Variants in FCHSD2 observed in about 807,000 individuals in gnomAD.
The protein encoded by FCHSD2 is FCH and double SH3 domains 2, also known as F-BAR and double SH3 domains protein 2.
Under a neutral mutation model 108.1 loss-of-function variants are expected in FCHSD2, and 38 were observed. The observed-to-expected ratio is 0.35, with a 90% CI of 0.27 to 0.46. The LOEUF (loss-of-function observed/expected upper bound fraction) is 0.46, where lower values mean the gene tolerates loss of function less well. Among genes scored for constraint, FCHSD2 ranks in the 20% least tolerant of loss-of-function variants. The probability of loss-of-function intolerance (pLI) is 1.00; values close to 1 mark genes in which losing one functional copy is unlikely to be tolerated. For missense variants in FCHSD2, 751 were observed against 897.8 expected (o/e 0.84, Z 2.09); for synonymous variants, 279 against 314.7 (o/e 0.89, Z 1.20).
chr11:73,015,256 T>C (rs1014476154), intron 4 of FCHSD2, among the ~76,000 whole-genome samples: 5 of 152,272 alleles, frequency 3.3e-5, no homozygotes, highest in Non-Finnish European at 7.3e-5. Context: ...ATGTGGGATA[T>C]TAACTAGCCA....
At chr11:72,997,508 A>G (rs933768596) in intron 5 of FCHSD2, among the ~76,000 whole-genome samples, 12 of 152,310 alleles carry the variant, frequency 7.9e-5, no homozygotes, top group African/African-American at 2.9e-4. Context: ...AAAAATCAAG[A>G]AAAACCGCAG....
intron 8 of FCHSD2, among the ~76,000 whole-genome samples, chr11:72,978,460 A>G (rs1336436619): frequency 1.3e-5 from 2 of 152,218 alleles, no homozygotes; most frequent in Non-Finnish European, 2.9e-5. Flanking sequence ...ACATAAATCA[A>G]AACTATAATT....
chr11:73,141,011 C>T (rs528121165), intron 1 of FCHSD2, among the ~76,000 whole-genome samples: 1 of 152,306 alleles, frequency 6.6e-6, no homozygotes, highest in South Asian at 2.1e-4. Context: ...CAAATGTTTG[C>T]CCACGAGGGG....
intron 4 of FCHSD2, 110 bp downstream of exon 4, chr11:73,015,699 C>G: frequency 1.8e-6 from 1 of 562,904 alleles, no homozygotes; most frequent in Non-Finnish European, 3.1e-6. Flanking sequence ...GAAAACACAG[C>G]AGAGGAAAGA....
Position 73,112,784 on chromosome 11 carries a change from G to C in FCHSD2, c.119+27247C>G, listed in dbSNP as rs1591563560. Among the ~76,000 whole-genome samples the C allele has an allele frequency of 2.0e-5, 3 of 152,114 alleles. No homozygotes were observed. In the South Asian group the frequency reaches 6.3e-4, roughly 32 times the overall value. On this transcript the variant is annotated intron_variant, in intron 2 of 19. Coordinates refer to ENST00000409418, the MANE Select transcript of FCHSD2 (RefSeq NM_014824.3). ...CTGCCTCAGCCTCCTGAGTAGCTGG[G>C]GTTACAGGCATACACTATCATGCCT... is the stretch of plus-strand genomic sequence containing the variant.
intron 10 of FCHSD2, among the ~76,000 whole-genome samples, chr11:72,890,312 T>C (rs1855287531): frequency 6.6e-6 from 1 of 152,108 alleles, no homozygotes; most frequent in Non-Finnish European, 1.5e-5. Context: ...AATCATTGCA[T>C]AAATAAAAAT....
chr11:72,924,235 C>T (rs1375196293), intron 8 of FCHSD2, among the ~76,000 whole-genome samples: 1 of 152,170 alleles, frequency 6.6e-6, no homozygotes, highest in Non-Finnish European at 1.5e-5. Context: ...ACCACTGCAT[C>T]TGGCTTACAA....
intron 10 of FCHSD2, among the ~76,000 whole-genome samples, chr11:72,896,779 A>G (rs1855427497): frequency 6.6e-6 from 1 of 150,568 alleles, no homozygotes; most frequent in Non-Finnish European, 1.5e-5. Context: ...AAAAAAAAAA[A>G]AAAAAAAAAA....
At chr11:73,110,244 A>C (rs1284927792) in intron 2 of FCHSD2, among the ~76,000 whole-genome samples, 18 of 151,492 alleles carry the variant, frequency 1.2e-4, no homozygotes, top group Admixed American at 1.1e-3. Context: ...TCTATTTTTC[A>C]GAATAGTTTG....
chr11:72,988,860 C>T (rs1857358486), intron 6 of FCHSD2, 104 bp downstream of exon 6: 1 of 875,936 alleles, frequency 1.1e-6, no homozygotes, highest in Admixed American at 3.1e-5. Flanking sequence ...GAAACCACCA[C>T]TACCTGAGAA....
In FCHSD2 at chr11:73,116,648, G is replaced by A. The variant is rs912512874; in HGVS notation, c.119+23383C>T. Among the ~76,000 whole-genome samples, 12 of 151,978 alleles carry A rather than the reference G, an allele frequency of 7.9e-5. 1 individual carries two copies. Among genetic ancestry groups the A allele is most frequent in the East Asian group, 1.9e-4 (1 of 5,174 alleles). On this transcript the variant is annotated intron_variant, in intron 2 of 19. Transcript: ENST00000409418. The stretch of plus-strand genomic sequence containing the variant: ...CTTTAAATCCTGGGCACAAGCTCCC[G>A]CGTCAGCCTCCCAAGTAGCGGGGAC...
intron 3 of FCHSD2, among the ~76,000 whole-genome samples, chr11:73,043,466 T>C (rs1375510637): frequency 6.6e-6 from 1 of 152,236 alleles, no homozygotes; most frequent in African/African-American, 2.4e-5. Flanking sequence ...CAACTATTTG[T>C]GTAATTAAAG....
At chr11:73,109,637 C>A (rs1212924350) in intron 2 of FCHSD2, among the ~76,000 whole-genome samples, 1 of 152,114 alleles carries the variant, frequency 6.6e-6, no homozygotes, top group East Asian at 1.9e-4. Flanking sequence ...AAGATCAAAT[C>A]ATCTGCAAAC....
At chr11:72,840,810 C>A in intron 19 of FCHSD2, 67 bp downstream of exon 19, 2 of 1,205,116 alleles carry the variant, frequency 1.7e-6, no homozygotes, top group South Asian at 1.2e-5. Flanking sequence ...CACGGGGAAA[C>A]ATTAATTCCT....
intron 3 of FCHSD2, among the ~76,000 whole-genome samples, chr11:73,048,804 G>A (rs78601302): frequency 1.3e-5 from 2 of 152,250 alleles, no homozygotes; most frequent in Admixed American, 6.5e-5. Context: ...GAGAAAGGGT[G>A]GGGAATGAAT....
Position 73,141,708 on chromosome 11 carries a change from C to T in FCHSD2, c.21+149G>A, listed in dbSNP as rs754672803. ...AAAGGCAACTCACACGCGCGCCCCCCACCTGGAGCCGGCGGCAAGTCGGTG... is the reference window on the plus strand; with the variant it reads ...AAAGGCAACTCACACGCGCGCCCCCTACCTGGAGCCGGCGGCAAGTCGGTG... On this transcript the variant is annotated intron_variant, in intron 1 of 19. Transcript: ENST00000409418. 5.2e-5 allele frequency: 42 copies of T among 810,522 alleles called. 1 individual carries two copies. In the East Asian group the frequency reaches 1.1e-3, roughly 21 times the overall value. The allele number at this position is 810,522 out of a possible 1,614,324, so 50.2% of individuals were successfully genotyped here.
intron 12 of FCHSD2, among the ~76,000 whole-genome samples, chr11:72,871,138 T>G (rs964462707): frequency 6.6e-6 from 1 of 152,164 alleles, no homozygotes; most frequent in African/African-American, 2.4e-5. Context: ...GAACTAGTTT[T>G]AAACCCCTCC....
intron 12 of FCHSD2, among the ~76,000 whole-genome samples, chr11:72,881,438 G>T (rs1192650486): frequency 6.6e-6 from 1 of 152,182 alleles, no homozygotes; most frequent in Non-Finnish European, 1.5e-5. Context: ...CACTGTTGGT[G>T]GGAATGTAAA....
rs891202135 is a variant in FCHSD2 at position 73,067,035 on chromosome 11, G to A, written c.165+16660C>T. Reference sequence around the variant, plus strand: ...TTCTACTATAAAGACACATGCACACGTATGTTTATTCCGGCACTATTCACA... The same window carrying A: ...TTCTACTATAAAGACACATGCACACATATGTTTATTCCGGCACTATTCACA... On this transcript the variant is annotated intron_variant, in intron 3 of 19. Transcript: ENST00000409418. Among the ~76,000 whole-genome samples the A allele has an allele frequency of 8.5e-5, 13 of 152,182 alleles. No individual in the cohort carries two copies. The East Asian group carries it at 2.1e-3, about 25-fold the overall frequency.
Sources: gnomAD v4.1 joint callset for allele counts (sites outside exome capture counted in the v4.1 genomes callset) on GRCh38, gnomAD v4.1.1 for gene constraint, MANE v1.5 for transcripts, NCBI Gene and HGNC (gene_info 2026-07-23, HGNC 2026-07-21) for gene names.